TRPV1: variants seen among roughly 807,000 people sequenced by gnomAD.
TRPV1 encodes the protein OTRPC1.
In TRPV1, 82 loss-of-function variants were observed where a neutral mutation model predicts 82.3. The ratio of observed to expected loss-of-function variants is 1.00; its 90% confidence interval spans 0.83 to 1.20. The LOEUF is 1.20. TRPV1 is among the 50% of genes most tolerant of loss of function. The pLI, the probability that TRPV1 is intolerant of heterozygous loss-of-function variation, is 0.00. For missense variants in TRPV1, 1,067 were observed against 1,096.8 expected (o/e 0.97, Z 0.38); for synonymous variants, 515 against 467.7 (o/e 1.10, Z -1.30).
At position 3,589,943 on chromosome 17, in the gene TRPV1, G is replaced by A. The variant is rs918231476; in HGVS notation, c.908C>T (p.Thr303Met). The A allele has an allele frequency of 1.5e-5, 24 of 1,571,654 alleles. No individual in the cohort carries two copies. The highest frequency in any genetic ancestry group is 1.7e-4 in the Middle Eastern group (1 of 6,012). Residue 303 changes from threonine to methionine, a missense_variant, in exon 7 of 17, where the codon ACG becomes ATG. Thr to Met is a moderately conservative substitution (Grantham distance 81). Transcript: ENST00000572705. Reference protein sequence around the residue: ...VEVADNTADNTKFVTSMYNEI... With the variant: ...VEVADNTADNMKFVTSMYNEI... ...ATTGTACATGCTCGTCACAAACTTC[G>A]TGTTGTCGGCCGTGTTGTCGGCCAC...
At chr17:3,570,870 T>C (rs941062065) in intron 16 of TRPV1, among the ~76,000 whole-genome samples, 12 of 152,176 alleles carry the variant, frequency 7.9e-5, no homozygotes, top group South Asian at 2.1e-4. Flanking sequence ...CCTGCCACCA[T>C]GCCTGGCTAA....
At chr17:3,605,321 C>T (rs2075290011) in intron 2 of TRPV1, among the ~76,000 whole-genome samples, 1 of 152,026 alleles carries the variant, frequency 6.6e-6, no homozygotes, top group South Asian at 2.1e-4. Context: ...CCAGCCTAGG[C>T]AACATGGCAA....
chr17:3,575,060 G>A (rs1335010654), intron 13 of TRPV1, among the ~76,000 whole-genome samples: 1 of 152,070 alleles, frequency 6.6e-6, no homozygotes, highest in Non-Finnish European at 1.5e-5. Context: ...TTAACAAAGT[G>A]AGAATCCATG....
chr17:3,583,893 T>C (rs1392325265), intron 9 of TRPV1, among the ~76,000 whole-genome samples: 1 of 152,176 alleles, frequency 6.6e-6, no homozygotes, highest in Non-Finnish European at 1.5e-5. Context: ...TGTATTTCAG[T>C]GGCCATTTCC....
At position 3,589,794 on chromosome 17, in the gene TRPV1, A is replaced by G; in HGVS notation, c.1044+13T>C. 6.2e-7 allele frequency: 1 copy of G among 1,602,322 alleles called. No individual in the cohort carries two copies. Among genetic ancestry groups the G allele is most frequent in the East Asian group, 2.2e-5 (1 of 44,806 alleles). Reference sequence around the variant, plus strand: ...CCCGCACCGCACCAGCCTGAGCCGAAGCCCCCTCTTACCCCGATCTTCCCG... The same window carrying G: ...CCCGCACCGCACCAGCCTGAGCCGAGGCCCCCTCTTACCCCGATCTTCCCG... On this transcript the variant is annotated intron_variant, in intron 7 of 16. Coordinates refer to ENST00000572705, the MANE Select transcript of TRPV1 (RefSeq NM_080704.4).
chr17:3,587,360 C>T (rs2075097664), intron 8 of TRPV1, among the ~76,000 whole-genome samples: 1 of 152,154 alleles, frequency 6.6e-6, no homozygotes, highest in Non-Finnish European at 1.5e-5. Flanking sequence ...CAGACTCTAG[C>T]CCCCAAGTCT....
At chr17:3,589,545 T>C (rs1002093013) in intron 7 of TRPV1, among the ~76,000 whole-genome samples, 3 of 152,128 alleles carry the variant, frequency 2.0e-5, no homozygotes, top group African/African-American at 4.8e-5. Flanking sequence ...CCCTCCTCCA[T>C]TGCCCAGCAC....
Position 3,573,784 on chromosome 17 carries a change from GT to G in TRPV1, c.1951del (p.Thr651LeufsTer18). The G allele has an allele frequency of 6.2e-7, 1 of 1,613,952 alleles. No homozygotes were observed. The highest frequency in any genetic ancestry group is 8.5e-7 in the Non-Finnish European group (1 of 1,179,932). The part of the protein sequence containing the change: ...FTIGMGDLEF[T>X]ENYDFKAVFI... ...GACAGCCTTGAAGTCATAGTTCTCA[GT>G]GAACTCCAGGTCGCCCATGCCGATG... On this transcript the variant is annotated frameshift_variant, in exon 14 of 17. Transcript: ENST00000572705. LOFTEE classifies it high-confidence loss of function.
chr17:3,605,601 G>A (rs140369388), intron 2 of TRPV1, among the ~76,000 whole-genome samples: 19 of 152,158 alleles, frequency 1.2e-4, no homozygotes, highest in Non-Finnish European at 2.6e-4. Context: ...GTTAACTGTC[G>A]TTAGTAACCA....
intron 1 of TRPV1, chr17:3,609,036 C>A (rs534777497): frequency 6.6e-6 from 1 of 152,334 alleles, no homozygotes; most frequent in South Asian, 2.1e-4. Context: ...GGATTACAGG[C>A]ATGCGCCACC....
chr17:3,597,672 CTTTTTTTTT>C (rs34662119), intron 2 of TRPV1, among the ~76,000 whole-genome samples: 3 of 117,894 alleles, frequency 2.5e-5, no homozygotes, highest in African/African-American at 1.0e-4. Context: ...GTGTCATTTC[CTTTTTTTTT>C]TTTTTTTTTT....
intron 2 of TRPV1, chr17:3,601,753 C>T (rs555280271): frequency 3.7e-5 from 5 of 134,022 alleles, no homozygotes; most frequent in East Asian, 5.3e-4. Context: ...TGCACCACCA[C>T]GCTCGGATTT....
At chr17:3,608,174 G>C (rs2075310466) in intron 2 of TRPV1, 1 of 138,076 alleles carries the variant, frequency 7.2e-6, no homozygotes, top group Admixed American at 8.3e-5. Context: ...TTGCACCACT[G>C]TACTCCAGCC....
At chr17:3,598,174 A>G (rs1320500821) in intron 2 of TRPV1, among the ~76,000 whole-genome samples, 1 of 152,208 alleles carries the variant, frequency 6.6e-6, no homozygotes, top group East Asian at 1.9e-4. Context: ...TGCAAAAACC[A>G]TCCTAGCAGC....
At position 3,584,301 on chromosome 17, in the gene TRPV1, G is replaced by C. The variant is rs139591686; in HGVS notation, c.1384-871C>G. ...ACAAAAAACAAAAAAAAAGAGGGAG[G>C]CTGAGGCAGGAGAATGGCGTGAACC... On this transcript the variant is annotated intron_variant, in intron 9 of 16. Transcript: ENST00000572705. 3.9e-3 allele frequency among the ~76,000 whole-genome samples: 594 copies of C among 150,496 alleles called. 5 individuals carry two copies. Among genetic ancestry groups the C allele is most frequent in the East Asian group, 0.033 (169 of 5,052 alleles).
chr17:3,582,647 G>C (rs970129149), intron 10 of TRPV1, among the ~76,000 whole-genome samples: 34 of 151,338 alleles, frequency 2.2e-4, no homozygotes, highest in Non-Finnish European at 4.4e-5. Context: ...GCACATGTTT[G>C]AGTTTCAGGT....
chr17:3,568,279 G>A (rs546159124), intron 16 of TRPV1, among the ~76,000 whole-genome samples: 20 of 147,042 alleles, frequency 1.4e-4, no homozygotes, highest in Admixed American at 1.1e-3. Flanking sequence ...CCAAGATTGC[G>A]CCACTGCACT....
Position 3,601,379 on chromosome 17 carries a change from C to T in TRPV1, c.-34+7048G>A, listed in dbSNP as rs148025447. On this transcript the variant is annotated intron_variant, in intron 2 of 16. Transcript: ENST00000572705. Reference sequence around the variant, plus strand: ...CCACTGCTGAGCAACGCCCCACCCCCGCACCCTGAGCCCACAGACCCAGTC... The same window carrying T: ...CCACTGCTGAGCAACGCCCCACCCCTGCACCCTGAGCCCACAGACCCAGTC... Among the ~76,000 whole-genome samples the T allele has an allele frequency of 9.9e-4, 151 of 152,102 alleles. 6 individuals carry two copies. In the East Asian group the frequency reaches 0.024, roughly 24 times the overall value.
rs200283590 is a variant in TRPV1, at chr17:3,591,331, C to T, written c.307G>A (p.Ala103Thr). ...GARLLSQDSV[A>T]ASTEKTLRLY... Reference sequence around the variant, plus strand: ...CTGAGGGTCTTCTCGGTGCTGGCGGCGACAGAGTCCTGGGACAGCAGCCTG... The same window carrying T: ...CTGAGGGTCTTCTCGGTGCTGGCGGTGACAGAGTCCTGGGACAGCAGCCTG... The change falls in exon 4 of 17, where the codon GCC (alanine) becomes ACC (threonine). Residue 103 changes from alanine to threonine, a missense_variant. Physicochemically the swap from Ala to Thr is moderately conservative, Grantham distance 58 (BLOSUM62 0). Coordinates refer to ENST00000572705, the MANE Select transcript of TRPV1 (RefSeq NM_080704.4). 69 of 1,591,590 alleles carry T rather than the reference C, an allele frequency of 4.3e-5. No homozygotes were observed. The highest frequency in any genetic ancestry group is 3.7e-4 in the South Asian group (33 of 89,054).
Sources: allele counts gnomAD v4.1 joint callset (sites outside exome capture counted in the v4.1 genomes callset), GRCh38; gene constraint gnomAD v4.1.1; transcripts MANE v1.5; gene names NCBI Gene and HGNC (gene_info 2026-07-23, HGNC 2026-07-21).